The following TMCO5A variants were observed in gnomAD, a reference collection of about 807,000 sequenced individuals.
TMCO5A encodes the protein transmembrane and coiled-coil domain-containing protein 5A.
TMCO5A carries 34 observed loss-of-function variants against 42.3 expected under a neutral mutation model. The ratio of observed to expected loss-of-function variants is 0.80; its 90% CI spans 0.61 to 1.07. TMCO5A has a LOEUF of 1.07. Ranked by LOEUF, TMCO5A falls within the 50% of genes least tolerant of loss-of-function variation. TMCO5A has a pLI of 0.00. For missense variants in TMCO5A, 357 were observed against 327.9 expected, an observed-to-expected ratio of 1.09 and a Z score of -0.69; for synonymous variants, 131 against 115.6, an observed-to-expected ratio of 1.13 and a Z score of -0.86.
the TMCO5A span, among the ~76,000 whole-genome samples, chr15:38,038,517 T>C: frequency 6.6e-6 from 1 of 151,938 alleles, no homozygotes; most frequent in Non-Finnish European, 1.5e-5. Flanking sequence ...ACCATTCTCC[T>C]GCCTCAGCCT....
At chr15:38,033,279 A>G in the TMCO5A span, among the ~76,000 whole-genome samples, 1,705 of 152,280 alleles carry the variant, frequency 0.011, 21 homozygotes, top group South Asian at 0.034. Flanking sequence ...CAGAGCACTG[A>G]GCTTCTATTT....
intron 11 of TMCO5A, among the ~76,000 whole-genome samples, 163 bp from the exon 12 acceptor site, chr15:37,950,873 G>A (rs1264985632): frequency 6.6e-6 from 1 of 152,128 alleles, no homozygotes; most frequent in African/African-American, 2.4e-5. Context: ...CAATAGGACA[G>A]AATATGGGAG....
the TMCO5A span, among the ~76,000 whole-genome samples, chr15:38,015,352 G>C: frequency 2.0e-5 from 3 of 152,030 alleles, no homozygotes; most frequent in Non-Finnish European, 2.9e-5. Flanking sequence ...ACCATTTAAT[G>C]ATATTAAATT....
chr15:37,964,332 C>G (rs115144817), intron 11 of TMCO5A, among the ~76,000 whole-genome samples: 2,124 of 152,300 alleles, frequency 0.014, 41 homozygotes, highest in African/African-American at 0.048. Flanking sequence ...GTTGTCTGCA[C>G]AGAGTCCTGT....
intron 11 of TMCO5A, among the ~76,000 whole-genome samples, chr15:37,948,752 G>A (rs906456057): frequency 2.6e-5 from 4 of 152,026 alleles, no homozygotes; most frequent in Non-Finnish European, 5.9e-5. Flanking sequence ...GTGGGGCACT[G>A]GTACACTGGG....
the TMCO5A span, among the ~76,000 whole-genome samples, chr15:38,007,174 C>A: frequency 2.0e-5 from 3 of 152,162 alleles, no homozygotes; most frequent in African/African-American, 7.2e-5. Flanking sequence ...AGTTTACTGA[C>A]CCTTGGGCTA....
the TMCO5A span, among the ~76,000 whole-genome samples, chr15:37,983,985 G>C: frequency 6.6e-6 from 1 of 151,966 alleles, no homozygotes; most frequent in Non-Finnish European, 1.5e-5. Flanking sequence ...CACCCACCTC[G>C]GTCTCCCAAA....
intron 5 of TMCO5A, among the ~76,000 whole-genome samples, chr15:37,937,887 C>T (rs530042669): frequency 1.3e-5 from 2 of 152,190 alleles, no homozygotes; most frequent in South Asian, 4.1e-4. Flanking sequence ...TAGCCTTCTA[C>T]TGTAGGGGGC....
Position 37,951,185 on chromosome 15 carries a change from T to G in TMCO5A, c.818T>G (p.Phe273Cys), listed in dbSNP as rs1332401945. ...GRSTLWKLRC[F>C]FFPSLTLETE... Reference sequence around the variant, plus strand: ...AGCACCTTGTGGAAGCTCAGATGCTTCTTCTTTCCATCTCTCACACTTGAG... The same window carrying G: ...AGCACCTTGTGGAAGCTCAGATGCTGCTTCTTTCCATCTCTCACACTTGAG... The change falls in exon 12 of 12, where the codon TTC (phenylalanine) becomes TGC (cysteine). Residue 273 changes from phenylalanine (F) to cysteine (C), a missense_variant. Physicochemically the swap from Phe to Cys is radical, Grantham distance 205. Transcript: ENST00000319669. 1.9e-6 allele frequency: 3 copies of G among 1,613,816 alleles called. No individual in the cohort carries two copies. Among genetic ancestry groups the G allele is most frequent in the South Asian group, 2.2e-5 (2 of 91,070 alleles).
At chr15:38,023,508 T>A in the TMCO5A span, among the ~76,000 whole-genome samples, 1 of 152,208 alleles carries the variant, frequency 6.6e-6, no homozygotes, top group Non-Finnish European at 1.5e-5. Flanking sequence ...AAGGTAAACA[T>A]TCTAAGAGGA....
chr15:37,939,716 G>GA (rs141675918), intron 6 of TMCO5A, among the ~76,000 whole-genome samples: 20,060 of 152,046 alleles, frequency 0.13, 1,427 homozygotes, highest in Admixed American at 0.17. Flanking sequence ...CTAATTCTGT[G>GA]AATGTACAGA....
At chr15:38,036,013 A>G in the TMCO5A span, among the ~76,000 whole-genome samples, 1 of 152,170 alleles carries the variant, frequency 6.6e-6, no homozygotes, top group Non-Finnish European at 1.5e-5. Flanking sequence ...TTTATTAATA[A>G]TGCCACTAGC....
chr15:37,938,327 G>T (rs1282190865), intron 6 of TMCO5A, 98 bp downstream of exon 6: 4 of 1,057,054 alleles, frequency 3.8e-6, no homozygotes, highest in African/African-American at 1.7e-5. Flanking sequence ...CAAATTCTTG[G>T]TAGTTTTCCT....
chr15:37,938,454 A>G (rs1026659602), intron 6 of TMCO5A, among the ~76,000 whole-genome samples: 2 of 152,230 alleles, frequency 1.3e-5, no homozygotes, highest in Middle Eastern at 3.4e-3. Flanking sequence ...AGAGCAGGGC[A>G]CAAATGCATA....
intron 5 of TMCO5A, among the ~76,000 whole-genome samples, chr15:37,937,826 A>T (rs80219739): frequency 0.016 from 2,407 of 152,230 alleles, 39 homozygotes; most frequent in Non-Finnish European, 0.024. Context: ...CCTCCTCAGA[A>T]TACAGTGGGC....
intron 11 of TMCO5A, among the ~76,000 whole-genome samples, chr15:37,950,605 T>G (rs1339548783): frequency 1.3e-5 from 2 of 152,124 alleles, no homozygotes; most frequent in Admixed American, 1.3e-4. Flanking sequence ...AAATGCATAT[T>G]GAAGCCATAA....
intron 11 of TMCO5A, among the ~76,000 whole-genome samples, chr15:37,960,944 C>T (rs910807482): frequency 4.0e-5 from 6 of 150,938 alleles, no homozygotes; most frequent in African/African-American, 1.5e-4. Flanking sequence ...TGAATAGTCC[C>T]TTGTCAGATG....
intron 7 of TMCO5A, 96 bp downstream of exon 7, chr15:37,941,301 G>T (rs78405954): frequency 2.3e-6 from 3 of 1,281,274 alleles, no homozygotes; most frequent in Admixed American, 3.9e-5. Flanking sequence ...TTACATTAAG[G>T]TTCCAGATCC....
the TMCO5A span, among the ~76,000 whole-genome samples, chr15:38,016,241 T>C: frequency 6.6e-6 from 1 of 152,172 alleles, no homozygotes; most frequent in Non-Finnish European, 1.5e-5. Context: ...ATAAAGTCTA[T>C]TTTTTAATGG....
Sources: gnomAD v4.1 joint callset for allele counts (sites outside exome capture counted in the v4.1 genomes callset) on GRCh38, gnomAD v4.1.1 for gene constraint, MANE v1.5 for transcripts, NCBI Gene and HGNC (gene_info 2026-07-23, HGNC 2026-07-21) for gene names.